Variants in ERG observed in about 807,000 individuals in gnomAD.
The protein encoded by ERG is ETS transcription factor ERG.
A neutral mutation model predicts 55.3 loss-of-function variants in ERG; 9 were observed. The ratio of observed to expected loss-of-function variants is 0.16; its 90% CI spans 0.10 to 0.28. ERG has a LOEUF of 0.28. Ranked by LOEUF, ERG falls within the 10% of genes least tolerant of loss-of-function variation. ERG has a pLI of 1.00. For synonymous variants in ERG, 223 were observed against 237.3 expected, an observed-to-expected ratio of 0.94 and a Z score of 0.55; for missense variants, 434 against 631.6, an observed-to-expected ratio of 0.69 and a Z score of 3.35.
At chr21:38,631,744 C>T (rs1487775982) in intron 1 of ERG, among the ~76,000 whole-genome samples, 3 of 151,988 alleles carry the variant, frequency 2.0e-5, no homozygotes, top group African/African-American at 4.8e-5. Flanking sequence ...CTATCCTGAC[C>T]TCTTGGTAGC....
At chr21:38,657,967 C>G (rs552823558) in intron 1 of ERG, among the ~76,000 whole-genome samples, 19 of 152,176 alleles carry the variant, frequency 1.2e-4, no homozygotes, top group Non-Finnish European at 2.6e-4. Flanking sequence ...GGAAACTGTG[C>G]CCCAAAGATC....
chr21:38,627,400 T>C (rs1232711398), intron 1 of ERG, among the ~76,000 whole-genome samples: 1 of 152,156 alleles, frequency 6.6e-6, no homozygotes. Context: ...AATGGGCTGA[T>C]AGCATAGCTG....
In ERG at chr21:38,409,676, G is replaced by A. The variant is rs142462990; in HGVS notation, c.389-5967C>T. On this transcript the variant is annotated intron_variant, in intron 3 of 9. Transcript: ENST00000288319. ...GGAACCACTTAGCCCAGCCTCATCC[G>A]ACATGGGCATGAAATATCTGACATG... Among the ~76,000 whole-genome samples the A allele has an allele frequency of 1.4e-3, 212 of 152,148 alleles. 2 individuals are homozygous for A. Among genetic ancestry groups the A allele is most frequent in the African/African-American group, 4.8e-3 (199 of 41,498 alleles).
chr21:38,610,926 A>G (rs1006957340), intron 1 of ERG, among the ~76,000 whole-genome samples: 2 of 152,214 alleles, frequency 1.3e-5, no homozygotes, highest in African/African-American at 4.8e-5. Flanking sequence ...AGAGGAGAAA[A>G]GAAGTTTTAG....
At chr21:38,398,754 G>A (rs1451189541) in intron 6 of ERG, among the ~76,000 whole-genome samples, 2 of 152,144 alleles carry the variant, frequency 1.3e-5, no homozygotes, top group East Asian at 3.9e-4. Flanking sequence ...TCTTAACCAG[G>A]TAGCATCAGT....
At chr21:38,573,704 T>A (rs1023900199) in intron 2 of ERG, among the ~76,000 whole-genome samples, 3 of 152,200 alleles carry the variant, frequency 2.0e-5, no homozygotes, top group Non-Finnish European at 4.4e-5. Context: ...AATAATCAAT[T>A]AAAACTGAGG....
At chr21:38,495,613 G>C (rs536699672) in intron 1 of ERG, among the ~76,000 whole-genome samples, 1 of 152,236 alleles carries the variant, frequency 6.6e-6, no homozygotes, top group Admixed American at 6.5e-5. Context: ...CTCCTTAAAA[G>C]GTCCGGGGAG....
intron 2 of ERG, among the ~76,000 whole-genome samples, chr21:38,565,954 G>T (rs1037551701): frequency 2.6e-5 from 4 of 152,186 alleles, no homozygotes; most frequent in African/African-American, 9.7e-5. Flanking sequence ...GTTGATAAGT[G>T]TGTGAAGAGT....
intron 1 of ERG, chr21:38,575,826 A>G: frequency 9.6e-7 from 1 of 1,042,700 alleles, no homozygotes; most frequent in South Asian, 1.4e-5. Flanking sequence ...GACAGGACAC[A>G]ATTCACCAAT....
At chr21:38,633,474 T>C (rs1239631166) in intron 1 of ERG, among the ~76,000 whole-genome samples, 2 of 152,238 alleles carry the variant, frequency 1.3e-5, no homozygotes, top group African/African-American at 2.4e-5. Context: ...GTGTAAAGCA[T>C]ACAACACTGG....
chr21:38,554,266 G>A lies in ERG; in HGVS notation c.-41+21396C>T, dbSNP rs1001271087. Among the ~76,000 whole-genome samples, 5 of 152,208 alleles carry A rather than the reference G, an allele frequency of 3.3e-5. No homozygotes were observed. In the East Asian group the frequency reaches 5.8e-4, roughly 18 times the overall value. On this transcript the variant is annotated intron_variant, in intron 2 of 8. Transcript: ENST00000398897. Reference sequence around the variant, plus strand: ...ATTAGTTCAGACACTGTGGAAAGCAGTTTGGAGATTTCCCAAAGAACTTAA... The same window carrying A: ...ATTAGTTCAGACACTGTGGAAAGCAATTTGGAGATTTCCCAAAGAACTTAA...
intron 2 of ERG, among the ~76,000 whole-genome samples, chr21:38,541,498 A>G (rs2059751962): frequency 6.6e-6 from 1 of 152,224 alleles, no homozygotes; most frequent in African/African-American, 2.4e-5. Context: ...TCAAGTGTAA[A>G]ATAAACCTTA....
intron 1 of ERG, chr21:38,575,886 T>C: frequency 1.5e-6 from 1 of 658,972 alleles, no homozygotes; most frequent in South Asian, 1.8e-5. Flanking sequence ...AAAGGCATCC[T>C]CTAGGTACGT....
At chr21:38,535,513 G>A (rs2836480) in intron 2 of ERG, among the ~76,000 whole-genome samples, 57,940 of 151,942 alleles carry the variant, frequency 0.38, 12,508 homozygotes, top group Non-Finnish European at 0.49. Context: ...TCTTACACTC[G>A]TGAATATTTT....
chr21:38,609,407 C>T (rs894931856), intron 1 of ERG, among the ~76,000 whole-genome samples: 12 of 151,954 alleles, frequency 7.9e-5, no homozygotes, highest in African/African-American at 2.7e-4. Context: ...CCACACAACA[C>T]GCTCCCTCAC....
At chr21:38,606,127 A>G (rs1289004734) in intron 1 of ERG, among the ~76,000 whole-genome samples, 1 of 152,210 alleles carries the variant, frequency 6.6e-6, no homozygotes, top group Non-Finnish European at 1.5e-5. Flanking sequence ...ATAGGTAGAT[A>G]GATAGATAAA....
At chr21:38,511,869 C>T (rs750262660) in intron 2 of ERG, among the ~76,000 whole-genome samples, 1 of 152,144 alleles carries the variant, frequency 6.6e-6, no homozygotes, top group African/African-American at 2.4e-5. Flanking sequence ...AGTAACACCT[C>T]GCAGACTCCA....
In ERG at chr21:38,445,455, G is replaced by C. The variant is rs2146556498; in HGVS notation, c.185C>G (p.Ala62Gly). The change falls in exon 2 of 10, where the codon GCC becomes GGC. Residue 62 changes from alanine to glycine, a missense_variant. Transcript: ENST00000288319. ...PQQDWLSQPP[A>G]RVTIKMECNP... ...ACATTCCATTTTGATGGTGACCCTG[G>C]CTGGGGGTTGAGACAGCCAATCCTG... 1.2e-6 allele frequency: 2 copies of C among 1,614,168 alleles called. No individual in the cohort carries two copies. Among genetic ancestry groups the C allele is most frequent in the Non-Finnish European group, 1.7e-6 (2 of 1,180,022 alleles).
intron 9 of ERG, among the ~76,000 whole-genome samples, chr21:38,387,082 A>G (rs897054868): frequency 2.5e-4 from 38 of 152,190 alleles, no homozygotes; most frequent in African/African-American, 8.9e-4. Context: ...GGGGGAAAAA[A>G]AAACTAAACG....
Sources: gnomAD v4.1 joint callset for allele counts (sites outside exome capture counted in the v4.1 genomes callset) on GRCh38, gnomAD v4.1.1 for gene constraint, MANE v1.5 for transcripts, NCBI Gene and HGNC (gene_info 2026-07-23, HGNC 2026-07-21) for gene names.